ARVCF: variants seen among roughly 807,000 people sequenced by gnomAD.
The protein encoded by ARVCF is splicing regulator ARVCF.
In ARVCF, 66 loss-of-function variants were observed where a neutral mutation model predicts 90.9. That is an observed-to-expected ratio of 0.73 (90% CI 0.60 to 0.89). The LOEUF (loss-of-function observed/expected upper bound fraction) is 0.89. Ranked by LOEUF, ARVCF falls within the 40% of genes least tolerant of loss-of-function variation. The pLI is 0.00. For synonymous variants in ARVCF, 653 were observed against 603.4 expected (o/e 1.08, Z -1.21); for missense variants, 1,469 against 1,382.3 (o/e 1.06, Z -1.00).
chr22:19,987,998 C>A (rs1943883653), intron 3 of ARVCF, among the ~76,000 whole-genome samples: 1 of 152,170 alleles, frequency 6.6e-6, no homozygotes, highest in South Asian at 2.1e-4. Context: ...GCCAATGGCT[C>A]CAGCATCACG....
chr22:19,998,059 T>C (rs1441730548), intron 2 of ARVCF, among the ~76,000 whole-genome samples: 1 of 152,188 alleles, frequency 6.6e-6, no homozygotes, highest in Non-Finnish European at 1.5e-5. Flanking sequence ...ACAGCTAGGC[T>C]GGGATCAGAG....
downstream of ARVCF, chr22:19,966,925 C>T (rs1942431823): frequency 7.1e-6 from 7 of 984,844 alleles, no homozygotes; most frequent in Admixed American, 1.8e-4. Context: ...CTGACACTGT[C>T]GCTTCTCCAC....
At chr22:19,980,472 A>T in intron 5 of ARVCF, 1 of 559,964 alleles carries the variant, frequency 1.8e-6, no homozygotes, top group African/African-American at 2.0e-5. Flanking sequence ...ACCAGGACCC[A>T]GGCAACCCTC....
intron 2 of ARVCF, among the ~76,000 whole-genome samples, chr22:19,996,687 G>A (rs528681712): frequency 1.2e-3 from 184 of 152,286 alleles, no homozygotes; most frequent in African/African-American, 4.2e-3. Context: ...CTCGAAGCAC[G>A]CGCCGCTGGC....
chr22:19,971,172 G>C, intron 19 of ARVCF, 44 bp downstream of exon 19: 1 of 1,551,150 alleles, frequency 6.4e-7, no homozygotes, highest in South Asian at 1.2e-5. Flanking sequence ...CCCTGGCCCA[G>C]AGGGCAGGAA....
At chr22:19,972,660 T>TGA in intron 16 of ARVCF, 77 bp downstream of exon 16, 1 of 1,458,736 alleles carries the variant, frequency 6.9e-7, no homozygotes, top group South Asian at 1.3e-5. Flanking sequence ...GACTCCTCCT[T>TGA]CACCTTCACC....
chr22:20,016,473 C>A (rs1172068434), intron 1 of ARVCF, 116 bp downstream of exon 1: 2 of 152,208 alleles, frequency 1.3e-5, no homozygotes, highest in Non-Finnish European at 2.9e-5. Context: ...GGGATAGGAC[C>A]CTGTCCGGAC....
rs1943997612 is a variant in ARVCF, at chr22:19,990,779, C to T, written c.16G>A (p.Val6Met). The T allele has an allele frequency of 1.3e-6, 2 of 1,572,510 alleles. No homozygotes were observed. Among genetic ancestry groups the T allele is most frequent in the Non-Finnish European group, 1.7e-6 (2 of 1,158,246 alleles). Residue 6 changes from valine (V) to methionine (M), a missense_variant, in exon 3 of 20, where the codon GTG becomes ATG. By Grantham distance (21) the Val-to-Met change is conservative. Transcript: ENST00000263207. MEDCN[V>M]HSAASILASV... is the part of the protein sequence containing the mutation. ...GCCAGGATGCTGGCGGCCGAGTGCA[C>T]ATTGCAGTCCTCCATGACCAGAGCG...
intron 18 of ARVCF, 62 bp from the exon 19 acceptor site, chr22:19,971,397 GAC>G: frequency 6.6e-7 from 1 of 1,511,198 alleles, no homozygotes; most frequent in Non-Finnish European, 8.8e-7. Flanking sequence ...CTCCTGGGGG[GAC>G]AGGGCAGGGG....
Position 19,970,444 on chromosome 22 carries a change from A to AC in ARVCF, c.*311dup. 3 of 1,093,324 alleles carry AC rather than the reference A, an allele frequency of 2.7e-6. No homozygotes were observed. In the East Asian group the frequency reaches 2.4e-4, roughly 86 times the overall value. The allele number at this position is 1,093,324 out of a possible 1,614,324, so 67.7% of individuals were successfully genotyped here. The stretch of plus-strand genomic sequence containing the variant: ...CACCAGCCCCAAAGCCCAGCCAGGC[A>AC]CCCTTCCCTGCCACCTCCCTGGGCC... On this transcript the variant is annotated 3_prime_UTR_variant, in exon 20 of 20. Transcript: ENST00000263207.
Position 19,986,355 on chromosome 22 carries a change from T to G in ARVCF, c.210+4230A>C, listed in dbSNP as rs78557309. Reference sequence around the variant, plus strand: ...AGAGGGTCTTGGCTGGTCTCTCCTCTGCTCAGTTTCCCTGCCTGTTACTGA... The same window carrying G: ...AGAGGGTCTTGGCTGGTCTCTCCTCGGCTCAGTTTCCCTGCCTGTTACTGA... On this transcript the variant is annotated intron_variant, in intron 3 of 19. Coordinates refer to ENST00000263207, the MANE Select transcript of ARVCF (RefSeq NM_001670.3). Among the ~76,000 whole-genome samples the G allele has an allele frequency of 3.2e-3, 491 of 152,326 alleles. 4 individuals carry two copies. Among genetic ancestry groups the G allele is most frequent in the Non-Finnish European group, 5.2e-3 (352 of 68,016 alleles).
chr22:20,012,676 A>C (rs183293480), intron 1 of ARVCF, among the ~76,000 whole-genome samples: 43 of 152,358 alleles, frequency 2.8e-4, no homozygotes, highest in Middle Eastern at 6.8e-3. Context: ...TCTCCCCACC[A>C]AACTGTCCAG....
At chr22:20,004,325 A>G (rs1409597194) in intron 2 of ARVCF, among the ~76,000 whole-genome samples, 1 of 152,138 alleles carries the variant, frequency 6.6e-6, no homozygotes, top group Non-Finnish European at 1.5e-5. Context: ...TGCAATTCCT[A>G]TTAAAATCCC....
At chr22:20,006,665 C>T (rs1026107246) in intron 2 of ARVCF, among the ~76,000 whole-genome samples, 3 of 150,756 alleles carry the variant, frequency 2.0e-5, no homozygotes, top group Non-Finnish European at 4.4e-5. Flanking sequence ...CGGAGTCTTG[C>T]CCTGTCGCCA....
intron 11 of ARVCF, 36 bp downstream of exon 11, chr22:19,975,650 C>T (rs747783702): frequency 1.9e-6 from 3 of 1,611,048 alleles, no homozygotes; most frequent in Admixed American, 3.3e-5. Context: ...GCCCAGACAT[C>T]CCCCAGTGGA....
chr22:19,969,685 C>G (rs1269537125), downstream of ARVCF: 1 of 307,320 alleles, frequency 3.3e-6, no homozygotes, highest in Non-Finnish European at 4.8e-6. Flanking sequence ...GGCTAGCCCC[C>G]AGCCAGCCCA....
chr22:19,996,503 C>T (rs1241116953), intron 2 of ARVCF, among the ~76,000 whole-genome samples: 1 of 152,216 alleles, frequency 6.6e-6, no homozygotes, highest in East Asian at 1.9e-4. Flanking sequence ...CACTTCTGTG[C>T]TTTTGTAATT....
chr22:19,987,161 G>T, intron 3 of ARVCF: 1 of 451,072 alleles, frequency 2.2e-6, no homozygotes. Context: ...CTCGGCTCCG[G>T]CGCCTCGGCC....
Position 19,988,804 on chromosome 22 carries a change from G to A in ARVCF, c.210+1781C>T, listed in dbSNP as rs570948777. On this transcript the variant is annotated intron_variant, in intron 3 of 19. Transcript: ENST00000263207. ...CATCAGCCCAGCCAGTTGAGCTGCA[G>A]CCCTGGCAACACATGCTCTCTTCAA... is the stretch of plus-strand genomic sequence containing the variant. Among the ~76,000 whole-genome samples the A allele has an allele frequency of 2.0e-5, 3 of 151,434 alleles. No individual in the cohort carries two copies. In the South Asian group the frequency reaches 6.2e-4, roughly 31 times the overall value.
Sources: gnomAD v4.1 joint callset for allele counts (sites outside exome capture counted in the v4.1 genomes callset) on GRCh38, gnomAD v4.1.1 for gene constraint, MANE v1.5 for transcripts, NCBI Gene and HGNC (gene_info 2026-07-23, HGNC 2026-07-21) for gene names.